AZI2: variants seen among roughly 807,000 people sequenced by gnomAD.
AZI2 encodes 5-azacytidine induced 2.
AZI2 carries 22 observed loss-of-function variants against 45.8 expected under a neutral mutation model. The observed-to-expected ratio is 0.48, with a 90% CI of 0.34 to 0.69. AZI2 has a LOEUF of 0.69. AZI2 is among the 30% of genes least tolerant of loss of function. AZI2 has a pLI of 0.01. For synonymous variants in AZI2, 137 were observed against 156.7 expected, an observed-to-expected ratio of 0.87 and a Z score of 0.94; for missense variants, 417 against 441.5, an observed-to-expected ratio of 0.94 and a Z score of 0.50.
At chr3:28,324,998 A>G (rs1290440553) in intron 7 of AZI2, 1 of 150,914 alleles carries the variant, frequency 6.6e-6, no homozygotes, top group Non-Finnish European at 1.5e-5. Flanking sequence ...AATTGGTGAG[A>G]CCCAAATGAA....
intron 1 of AZI2, 139 bp downstream of exon 1, chr3:28,348,462 C>T (rs756292599): frequency 7.9e-5 from 12 of 152,408 alleles, no homozygotes; most frequent in African/African-American, 9.7e-5. Flanking sequence ...AGGAGTGGGC[C>T]GCTCCCTAGT....
intron 2 of AZI2, among the ~76,000 whole-genome samples, chr3:28,338,834 ATT>A (rs1703900907): frequency 6.6e-6 from 1 of 152,208 alleles, no homozygotes; most frequent in Non-Finnish European, 1.5e-5. Flanking sequence ...CATAATCAGT[ATT>A]TTATAATTCA....
chr3:28,342,944 C>T (rs749435116), intron 1 of AZI2, among the ~76,000 whole-genome samples: 1 of 152,008 alleles, frequency 6.6e-6, no homozygotes, highest in African/African-American at 2.4e-5. Flanking sequence ...ATAACATAAA[C>T]TGCTCTGCGA....
intron 1 of AZI2, among the ~76,000 whole-genome samples, chr3:28,342,238 G>A (rs1442040862): frequency 1.3e-5 from 2 of 152,000 alleles, no homozygotes; most frequent in African/African-American, 4.8e-5. Flanking sequence ...AGAATTATAA[G>A]AAAGGCAGGT....
At chr3:28,337,302 A>G (rs1413174269) in intron 4 of AZI2, among the ~76,000 whole-genome samples, 2 of 152,202 alleles carry the variant, frequency 1.3e-5, no homozygotes, top group Non-Finnish European at 2.9e-5. Context: ...ATTCCACTGC[A>G]GAAACTCAAT....
Position 28,332,399 on chromosome 3 carries a change from CT to C in AZI2, c.616del (p.Ser206AlafsTer7). ...TDPYQEDNLK[S>X]RDLQKLSISS... is the part of the protein sequence containing the mutation. ...AATGCTTAGTTTTTGGAGATCTCTG[CT>C]CTTCAGATTGTCTTCCTGATATGGA... On this transcript the variant is annotated frameshift_variant, in exon 6 of 8. Coordinates refer to ENST00000479665, the MANE Select transcript of AZI2 (RefSeq NM_022461.5). LOFTEE classifies it high-confidence loss of function. 6.2e-7 allele frequency: 1 copy of C among 1,608,738 alleles called. No homozygotes were observed. Among genetic ancestry groups the C allele is most frequent in the Non-Finnish European group, 8.5e-7 (1 of 1,176,460 alleles).
At chr3:28,335,197 A>G (rs1703741567) in intron 5 of AZI2, among the ~76,000 whole-genome samples, 1 of 152,072 alleles carries the variant, frequency 6.6e-6, no homozygotes, top group South Asian at 2.1e-4. Flanking sequence ...AACAGTTAAT[A>G]AGCAACACCA....
rs1456973141 is a variant in AZI2, at chr3:28,324,216, T to A, written c.1005A>T (p.Glu335Asp). The change falls in exon 8 of 8, where the codon GAA becomes GAT. Residue 335 changes from glutamate to aspartate, a missense_variant. Transcript: ENST00000479665. ...GAGAATTTCTGCCATAAGAACTGTG[T>A]TCCTGAAAGCATGTACCATCATTAG... ...SIPNDGTCFQEHSSYGRNSLE... is the reference protein window; with the variant it reads ...SIPNDGTCFQDHSSYGRNSLE... 5 of 1,610,644 alleles carry A rather than the reference T, an allele frequency of 3.1e-6. No individual in the cohort carries two copies. Among genetic ancestry groups the A allele is most frequent in the Non-Finnish European group, 4.2e-6 (5 of 1,177,640 alleles).
intron 6 of AZI2, among the ~76,000 whole-genome samples, chr3:28,331,397 C>T (rs1215695586): frequency 6.6e-6 from 1 of 151,440 alleles, no homozygotes. Context: ...TTGCAGTAAA[C>T]TTAGATAAAA....
At chr3:28,327,088 G>T in intron 6 of AZI2, 138 bp from the exon 7 acceptor site, 1 of 606,236 alleles carries the variant, frequency 1.6e-6, no homozygotes, top group South Asian at 2.0e-5. Context: ...ACAATTGAAA[G>T]ATATTTAACT....
At chr3:28,331,512 T>C (rs752309458) in intron 6 of AZI2, among the ~76,000 whole-genome samples, 2 of 151,516 alleles carry the variant, frequency 1.3e-5, no homozygotes, top group African/African-American at 4.8e-5. Context: ...GCTGGCACTT[T>C]ATAGAAAAAG....
At position 28,340,427 on chromosome 3, in the gene AZI2, T is replaced by C; in HGVS notation, c.191A>G (p.Lys64Arg). ...CTTTTCTTCCAAAAATCTTATTCTC[T>C]TCTTTAACAAAGAGTTCTCTTTCTC... ...DSEKENSLLK[K>R]RIRFLEEKLI... The change falls in exon 2 of 8, where the codon AAG becomes AGG. Residue 64 changes from lysine to arginine, a missense_variant. Physicochemically the swap from Lys to Arg is conservative, Grantham distance 26. Coordinates refer to ENST00000479665, the MANE Select transcript of AZI2 (RefSeq NM_022461.5). 6.2e-7 allele frequency: 1 copy of C among 1,604,490 alleles called. No homozygotes were observed. Among genetic ancestry groups the C allele is most frequent in the Non-Finnish European group, 8.5e-7 (1 of 1,172,662 alleles).
In AZI2 at chr3:28,327,001, C is replaced by CA. The variant is rs1171675612; in HGVS notation, c.648-52dup. 1.7e-5 allele frequency: 21 copies of CA among 1,251,228 alleles called. 1 individual carries two copies. The highest frequency in any genetic ancestry group is 2.4e-5 in the Non-Finnish European group (21 of 873,050). 77.5% of individuals were successfully genotyped at this position (1,251,228 alleles called of 1,614,324 possible). ...TTAATACTCATCATTCTTTTTTAGACAAAAGGGAATAACTTTAGAAATATG... is the reference window on the plus strand; with the variant it reads ...TTAATACTCATCATTCTTTTTTAGACAAAAAGGGAATAACTTTAGAAATATG... On this transcript the variant is annotated intron_variant, in intron 6 of 7. Transcript: ENST00000479665.
chr3:28,340,658 C>G, intron 1 of AZI2, 36 bp from the exon 2 acceptor site: 1 of 1,483,294 alleles, frequency 6.7e-7, no homozygotes, highest in East Asian at 2.3e-5. Flanking sequence ...TGACAAATGT[C>G]TCACTGAATA....
chr3:28,338,727 C>G, intron 2 of AZI2, 112 bp from the exon 3 acceptor site: 1 of 959,714 alleles, frequency 1.0e-6, no homozygotes. Context: ...GGGGATAAAG[C>G]CTGGATTCAT....
rs1376314265 is a variant in AZI2 at position 28,348,783 on chromosome 3, TTTC to T, written c.-191_-189del. The T allele has an allele frequency of 4.9e-6, 1 of 205,124 alleles. No individual in the cohort carries two copies. The highest frequency in any genetic ancestry group is 6.5e-5 in the Admixed American group (1 of 15,326). The allele number at this position is 205,124 out of a possible 1,614,324, so 12.7% of individuals were successfully genotyped here. On this transcript the variant is annotated 5_prime_UTR_variant, in exon 1 of 8. Coordinates refer to ENST00000479665, the MANE Select transcript of AZI2 (RefSeq NM_022461.5). ...CGGGCACGTCGCGGAGGGAGTCCCA[TTTC>T]TTCTGACTCGGCAGGAGCCCGGGAC...
At chr3:28,327,082 T>G (rs942070804) in intron 6 of AZI2, 132 bp from the exon 7 acceptor site, 10 of 623,332 alleles carry the variant, frequency 1.6e-5, no homozygotes, top group Non-Finnish European at 2.8e-5. Context: ...AAAAAAACAA[T>G]TGAAAGATAT....
At chr3:28,341,129 CT>C (rs1704000293) in intron 1 of AZI2, among the ~76,000 whole-genome samples, 1 of 152,010 alleles carries the variant, frequency 6.6e-6, no homozygotes, top group African/African-American at 2.4e-5. Flanking sequence ...CATACTCTAT[CT>C]TTCCATACCA....
chr3:28,340,020 T>A (rs571176729), intron 2 of AZI2, among the ~76,000 whole-genome samples: 114 of 152,158 alleles, frequency 7.5e-4, no homozygotes, highest in African/African-American at 2.6e-3. Context: ...AAAGATATTA[T>A]TAAACCTATT....
Sources: allele counts gnomAD v4.1 joint callset (sites outside exome capture counted in the v4.1 genomes callset), GRCh38; gene constraint gnomAD v4.1.1; transcripts MANE v1.5; gene names NCBI Gene and HGNC (gene_info 2026-07-23, HGNC 2026-07-21).